The following PDZD2 variants were observed in gnomAD, a reference collection of about 807,000 sequenced individuals.
PDZD2 encodes PDZ domain containing 2.
Under a neutral mutation model 220.7 loss-of-function variants are expected in PDZD2, and 90 were observed. The observed-to-expected ratio is 0.41, with a 90% CI of 0.34 to 0.49. PDZD2 has a LOEUF of 0.49. Ranked by LOEUF, PDZD2 falls within the 20% of genes least tolerant of loss-of-function variation. The probability of loss-of-function intolerance (pLI) is 0.28; values close to 1 mark genes in which losing one functional copy is unlikely to be tolerated. For missense variants in PDZD2, 3,174 were observed against 3,608.5 expected, an observed-to-expected ratio of 0.88 and a Z score of 3.08; for synonymous variants, 1,375 against 1,450.5, an observed-to-expected ratio of 0.95 and a Z score of 1.18.
intron 1 of PDZD2, among the ~76,000 whole-genome samples, chr5:31,651,855 T>C (rs1331126194): frequency 6.6e-6 from 1 of 151,678 alleles, no homozygotes; most frequent in African/African-American, 2.4e-5. Context: ...TCTTGCTCTG[T>C]CACCCAGGCT....
At chr5:31,872,631 A>G (rs1023594027) in intron 2 of PDZD2, among the ~76,000 whole-genome samples, 2 of 152,156 alleles carry the variant, frequency 1.3e-5, no homozygotes, top group Non-Finnish European at 2.9e-5. Flanking sequence ...ATTGTTACGA[A>G]CATTGTATTT....
At chr5:31,840,279 T>G (rs955403394) in intron 2 of PDZD2, among the ~76,000 whole-genome samples, 3 of 147,902 alleles carry the variant, frequency 2.0e-5, no homozygotes, top group Non-Finnish European at 4.5e-5. Flanking sequence ...CCTCATTTTA[T>G]TCTGAAGGTT....
intron 1 of PDZD2, among the ~76,000 whole-genome samples, chr5:31,749,458 C>G (rs1750804748): frequency 7.0e-6 from 1 of 143,490 alleles, no homozygotes; most frequent in African/African-American, 2.6e-5. Context: ...GAGTTTTGCT[C>G]TTTCACCCAG....
chr5:31,892,864 C>T (rs1476141845), intron 2 of PDZD2, among the ~76,000 whole-genome samples: 2 of 152,058 alleles, frequency 1.3e-5, no homozygotes, highest in Non-Finnish European at 2.9e-5. Flanking sequence ...TGCCACTGTG[C>T]CCAGCTGGGC....
rs1296433067 is a variant in PDZD2, at chr5:31,785,347, C to T, written c.-360-13542C>T. Among the ~76,000 whole-genome samples the T allele has an allele frequency of 6.0e-5, 9 of 149,466 alleles. No homozygotes were observed. The East Asian group carries it at 1.8e-3, about 29-fold the overall frequency. ...GCACCTCCCTGGCAGTGACCTTTCCCAGCCCATATATATATGTCATATATA... is the reference window on the plus strand; with the variant it reads ...GCACCTCCCTGGCAGTGACCTTTCCTAGCCCATATATATATGTCATATATA... On this transcript the variant is annotated intron_variant, in intron 1 of 24. Coordinates refer to ENST00000438447, the MANE Select transcript of PDZD2 (RefSeq NM_178140.4).
chr5:31,653,424 T>A (rs1745425443), intron 1 of PDZD2, among the ~76,000 whole-genome samples: 1 of 152,038 alleles, frequency 6.6e-6, no homozygotes, highest in Non-Finnish European at 1.5e-5. Context: ...AGAACCTGGG[T>A]TATACGTCAG....
chr5:31,854,933 A>G (rs1040087624), intron 2 of PDZD2: 2 of 982,290 alleles, frequency 2.0e-6, no homozygotes, highest in Admixed American at 1.2e-4. Context: ...GTCCTCCCAC[A>G]GACCTGGAGC....
At chr5:31,963,026 G>T (rs1041068200) in intron 2 of PDZD2, among the ~76,000 whole-genome samples, 2 of 152,072 alleles carry the variant, frequency 1.3e-5, no homozygotes, top group African/African-American at 4.8e-5. Context: ...GTTATTTCCT[G>T]CTGAGAACAC....
At chr5:31,969,673 A>C (rs1208004511) in intron 2 of PDZD2, among the ~76,000 whole-genome samples, 1 of 152,068 alleles carries the variant, frequency 6.6e-6, no homozygotes, top group Non-Finnish European at 1.5e-5. Flanking sequence ...AAAATGTCCT[A>C]AACTGATTTA....
chr5:31,827,696 A>T (rs1285268254), intron 2 of PDZD2, among the ~76,000 whole-genome samples: 1 of 113,490 alleles, frequency 8.8e-6, no homozygotes, highest in East Asian at 2.0e-4. Context: ...TGTCTCAAAA[A>T]AAATAAATAA....
At chr5:31,728,233 C>G (rs1442397254) in intron 1 of PDZD2, among the ~76,000 whole-genome samples, 1 of 151,972 alleles carries the variant, frequency 6.6e-6, no homozygotes, top group East Asian at 1.9e-4. Context: ...CCCCATGTCC[C>G]CATTACACAG....
rs1243779422 is a variant in PDZD2 at position 32,109,095 on chromosome 5, TTAAAC to T, written c.*965_*969del. 2.0e-5 allele frequency: 3 copies of T among 152,368 alleles called. No individual in the cohort carries two copies. Among genetic ancestry groups the T allele is most frequent in the African/African-American group, 7.3e-5 (3 of 41,328 alleles). The allele number at this position is 152,368 out of a possible 1,614,324, so 9.4% of individuals were successfully genotyped here. A position where few individuals can be genotyped will look rare whatever the true frequency, so the allele number is the denominator to read the frequency against. On this transcript the variant is annotated 3_prime_UTR_variant, in exon 25 of 25. Transcript: ENST00000438447. ...AATTTTATGCACTCCAACCATGAATTTAAACTAAATTTTTAGAAATCAAGTATCTT... is the reference window on the plus strand; with the variant it reads ...AATTTTATGCACTCCAACCATGAATTTAAATTTTTAGAAATCAAGTATCTT...
intron 2 of PDZD2, among the ~76,000 whole-genome samples, chr5:31,898,165 A>G (rs556946791): frequency 4.6e-4 from 70 of 152,382 alleles, no homozygotes; most frequent in Non-Finnish European, 9.1e-4. Flanking sequence ...TACCAAAAGT[A>G]CAGAGTATGG....
At chr5:31,997,763 C>T (rs62360600) in intron 4 of PDZD2, among the ~76,000 whole-genome samples, 14,495 of 152,080 alleles carry the variant, frequency 0.095, 1,183 homozygotes, top group East Asian at 0.22. Context: ...CTGGGCTATA[C>T]GATTCACAAG....
intron 19 of PDZD2, 50 bp downstream of exon 19, chr5:32,077,656 C>G: frequency 6.3e-7 from 1 of 1,583,072 alleles, no homozygotes; most frequent in South Asian, 1.1e-5. Flanking sequence ...GGGAGATACC[C>G]TAATGAAAGC....
intron 2 of PDZD2, among the ~76,000 whole-genome samples, chr5:31,834,912 C>T (rs1289490918): frequency 7.2e-6 from 1 of 139,842 alleles, no homozygotes; most frequent in Non-Finnish European, 1.6e-5. Flanking sequence ...ATATATATAA[C>T]TAGATATATA....
At chr5:31,690,708 C>G (rs775729869) in intron 1 of PDZD2, among the ~76,000 whole-genome samples, 8 of 152,196 alleles carry the variant, frequency 5.3e-5, no homozygotes, top group Non-Finnish European at 1.0e-4. Flanking sequence ...CCGTGTCATT[C>G]ATTGCATTTA....
In PDZD2 at chr5:31,877,782, C is replaced by T. The variant is rs532937052; in HGVS notation, c.476+78058C>T. ...TTGGCTCACTGCAACCTCTCCCTCC[C>T]GGGTTCAAGTGATTATCCTACCTCA... On this transcript the variant is annotated intron_variant, in intron 2 of 24. Coordinates refer to ENST00000438447, the MANE Select transcript of PDZD2 (RefSeq NM_178140.4). Among the ~76,000 whole-genome samples, 5 of 152,260 alleles carry T rather than the reference C, an allele frequency of 3.3e-5. 1 individual carries two copies. In the South Asian group the frequency reaches 8.3e-4, roughly 25 times the overall value.
At chr5:31,859,553 T>G (rs1040042075) in intron 2 of PDZD2, among the ~76,000 whole-genome samples, 9 of 152,208 alleles carry the variant, frequency 5.9e-5, no homozygotes, top group Non-Finnish European at 1.3e-4. Flanking sequence ...ATGAAAAGCT[T>G]CTCAATTCTC....
Sources: allele counts gnomAD v4.1 joint callset (sites outside exome capture counted in the v4.1 genomes callset), GRCh38; gene constraint gnomAD v4.1.1; transcripts MANE v1.5; gene names NCBI Gene and HGNC (gene_info 2026-07-23, HGNC 2026-07-21).